DLG2: variants seen among roughly 807,000 people sequenced by gnomAD.
DLG2 encodes disks large homolog 2.
In DLG2, 45 loss-of-function variants were observed where a neutral mutation model predicts 132.5. The ratio of observed to expected loss-of-function variants is 0.34; its 90% CI spans 0.27 to 0.44. The LOEUF is 0.44. Among genes scored for constraint, DLG2 ranks in the 20% least tolerant of loss-of-function variants. The probability of loss-of-function intolerance (pLI) is 1.00; values close to 1 mark genes in which losing one functional copy is unlikely to be tolerated. For missense variants in DLG2, 1,045 were observed against 1,196.9 expected (o/e 0.87, Z 1.87); for synonymous variants, 424 against 419.6 (o/e 1.01, Z -0.13).
At chr11:84,238,862 T>C (rs2097192116) in intron 8 of DLG2, among the ~76,000 whole-genome samples, 2 of 152,142 alleles carry the variant, frequency 1.3e-5, no homozygotes, top group South Asian at 4.1e-4. Flanking sequence ...CTTTCAAATA[T>C]ATATTTGAGA....
At chr11:84,829,674 A>G (rs943623372) in intron 6 of DLG2, among the ~76,000 whole-genome samples, 11 of 151,692 alleles carry the variant, frequency 7.3e-5, no homozygotes, top group Non-Finnish European at 1.5e-4. Flanking sequence ...AAAGTTAATA[A>G]TAATTATTTC....
At chr11:84,973,005 T>A (rs1333411506) in intron 6 of DLG2, among the ~76,000 whole-genome samples, 3 of 151,532 alleles carry the variant, frequency 2.0e-5, no homozygotes, top group Non-Finnish European at 4.4e-5. Flanking sequence ...TTGCCCAGGC[T>A]GGAGGGCAGT....
At chr11:85,303,037 G>A (rs1446442522) in intron 3 of DLG2, among the ~76,000 whole-genome samples, 2 of 152,176 alleles carry the variant, frequency 1.3e-5, no homozygotes. Flanking sequence ...TTCTAACCCA[G>A]ATTTGTTTGA....
At chr11:83,790,158 T>G in intron 17 of DLG2, 2 of 863,504 alleles carry the variant, frequency 2.3e-6, no homozygotes, top group Non-Finnish European at 3.7e-6. Context: ...AGCTGAGACC[T>G]TGAATAACAA....
chr11:84,031,666 A>G (rs2095696752), intron 11 of DLG2, among the ~76,000 whole-genome samples: 2 of 152,210 alleles, frequency 1.3e-5, no homozygotes, highest in Admixed American at 6.5e-5. Context: ...TAGGTGCTTC[A>G]TATGTATGAT....
chr11:85,534,960 T>A (rs1317757757), intron 3 of DLG2, among the ~76,000 whole-genome samples: 1 of 152,218 alleles, frequency 6.6e-6, no homozygotes, highest in Non-Finnish European at 1.5e-5. Context: ...TCACCAATAG[T>A]GTATTAGCGT....
At chr11:84,590,159 C>A (rs902516023) in intron 6 of DLG2, among the ~76,000 whole-genome samples, 1 of 152,146 alleles carries the variant, frequency 6.6e-6, no homozygotes, top group Admixed American at 6.5e-5. Context: ...TGCTGTCACA[C>A]ATAACAATCA....
chr11:84,270,623 G>C (rs2097708491), intron 7 of DLG2, among the ~76,000 whole-genome samples: 1 of 152,156 alleles, frequency 6.6e-6, no homozygotes, highest in African/African-American at 2.4e-5. Context: ...AAAACCAGTT[G>C]TGATTCATAG....
chr11:84,278,042 G>A (rs2097800992), intron 7 of DLG2, among the ~76,000 whole-genome samples: 1 of 143,396 alleles, frequency 7.0e-6, no homozygotes, highest in Non-Finnish European at 1.5e-5. Context: ...CACACGCCTG[G>A]CTAAGTTTTT....
chr11:84,243,178 C>T (rs2097258218), intron 8 of DLG2, among the ~76,000 whole-genome samples: 1 of 152,088 alleles, frequency 6.6e-6, no homozygotes, highest in Non-Finnish European at 1.5e-5. Context: ...ATGGACAATT[C>T]CATATCTGCA....
At position 84,937,590 on chromosome 11, in the gene DLG2, C is replaced by G. The variant is rs1160825405; in HGVS notation, c.357+174071G>C. On this transcript the variant is annotated intron_variant, in intron 6 of 27. Coordinates refer to ENST00000376104, the MANE Select transcript of DLG2 (RefSeq NM_001142699.3). ...TGGAGGACGAGTAGGATTTTAATAA[C>G]TGAAGATGGGGGAGAGGACATGAGG... 2.0e-5 allele frequency among the ~76,000 whole-genome samples: 3 copies of G among 152,082 alleles called. No individual in the cohort carries two copies. In the East Asian group the frequency reaches 5.8e-4, roughly 29 times the overall value.
chr11:84,829,539 A>C (rs950352182), intron 6 of DLG2, among the ~76,000 whole-genome samples: 6 of 151,742 alleles, frequency 4.0e-5, no homozygotes, highest in African/African-American at 1.2e-4. Context: ...CAGCGTAGTA[A>C]AGTGGAAAGA....
At chr11:84,386,516 C>T (rs1344114527) in intron 7 of DLG2, among the ~76,000 whole-genome samples, 1 of 152,026 alleles carries the variant, frequency 6.6e-6, no homozygotes, top group Non-Finnish European at 1.5e-5. Flanking sequence ...TAAATATTTA[C>T]TTCTATAATT....
intron 3 of DLG2, among the ~76,000 whole-genome samples, chr11:85,442,503 T>C (rs1177860554): frequency 6.6e-6 from 1 of 152,182 alleles, no homozygotes; most frequent in Non-Finnish European, 1.5e-5. Context: ...AACCTCGGTA[T>C]ATGGTGGTGC....
intron 19 of DLG2, among the ~76,000 whole-genome samples, chr11:83,590,156 G>C (rs201156112): frequency 0.056 from 8,100 of 145,670 alleles, 283 homozygotes; most frequent in South Asian, 0.1. Flanking sequence ...GACATCTACA[G>C]AACTCTCCAC....
At chr11:83,812,659 T>A (rs1445716704) in intron 17 of DLG2, among the ~76,000 whole-genome samples, 1 of 152,150 alleles carries the variant, frequency 6.6e-6, no homozygotes, top group East Asian at 1.9e-4. Context: ...TATAGTTAGT[T>A]AAAATAATGC....
At chr11:84,021,297 C>A (rs1349543619) in intron 11 of DLG2, among the ~76,000 whole-genome samples, 1 of 152,052 alleles carries the variant, frequency 6.6e-6, no homozygotes, top group East Asian at 1.9e-4. Flanking sequence ...TATCCAGCAA[C>A]TGAACCTAAT....
chr11:85,407,700 C>T (rs2088891612), intron 3 of DLG2, among the ~76,000 whole-genome samples: 1 of 151,748 alleles, frequency 6.6e-6, no homozygotes, highest in Admixed American at 6.6e-5. Flanking sequence ...GAAACTTAAT[C>T]ACACAGAAAA....
intron 16 of DLG2, among the ~76,000 whole-genome samples, chr11:83,858,511 T>C (rs1354627076): frequency 6.6e-6 from 1 of 152,126 alleles, no homozygotes; most frequent in Non-Finnish European, 1.5e-5. Context: ...TGACTTCTGG[T>C]CTTGAATTTG....
Sources: gnomAD v4.1 joint callset for allele counts (sites outside exome capture counted in the v4.1 genomes callset) on GRCh38, gnomAD v4.1.1 for gene constraint, MANE v1.5 for transcripts, NCBI Gene and HGNC (gene_info 2026-07-23, HGNC 2026-07-21) for gene names.